Variants in GLP2R observed in about 807,000 individuals in gnomAD.
The protein encoded by GLP2R is glucagon like peptide 2 receptor.
A neutral mutation model predicts 68.2 loss-of-function variants in GLP2R; 59 were observed. The ratio of observed to expected loss-of-function variants is 0.87; its 90% CI spans 0.70 to 1.07. GLP2R has a LOEUF of 1.07. Ranked by LOEUF, GLP2R falls within the 50% of genes least tolerant of loss-of-function variation. The probability of loss-of-function intolerance (pLI) is 0.00; values close to 1 mark genes in which losing one functional copy is unlikely to be tolerated. For synonymous variants in GLP2R, 270 were observed against 265.4 expected, an observed-to-expected ratio of 1.02 and a Z score of -0.17; for missense variants, 548 against 677.4, an observed-to-expected ratio of 0.81 and a Z score of 2.12.
At chr17:9,830,531 A>G (rs910510837) in intron 1 of GLP2R, among the ~76,000 whole-genome samples, 9 of 152,258 alleles carry the variant, frequency 5.9e-5, no homozygotes, top group African/African-American at 2.2e-4. Context: ...CTCATAGGAA[A>G]CTGAAATCAA....
intron 4 of GLP2R, among the ~76,000 whole-genome samples, chr17:9,852,510 G>A (rs1395497595): frequency 6.6e-6 from 1 of 151,874 alleles, no homozygotes; most frequent in African/African-American, 2.4e-5. Flanking sequence ...TCAAGTCAGT[G>A]GCCTAACTGC....
intron 9 of GLP2R, chr17:9,865,973 A>G (rs2067032937): frequency 2.1e-6 from 1 of 467,806 alleles, no homozygotes. Context: ...CTATCAGTTT[A>G]CAAGAAGATA....
intron 10 of GLP2R, 143 bp from the exon 11 acceptor site, chr17:9,880,234 GT>G: frequency 1.6e-6 from 1 of 621,554 alleles, no homozygotes; most frequent in Non-Finnish European, 2.9e-6. Flanking sequence ...GCCCTGAAGC[GT>G]TAAATGTTGT....
At chr17:9,841,603 A>G (rs544409883) in intron 3 of GLP2R, among the ~76,000 whole-genome samples, 1 of 152,262 alleles carries the variant, frequency 6.6e-6, no homozygotes, top group African/African-American at 2.4e-5. Context: ...CCATCCACTG[A>G]GGTGGTAAAA....
chr17:9,841,637 A>G (rs1471840647), intron 3 of GLP2R, among the ~76,000 whole-genome samples: 1 of 152,142 alleles, frequency 6.6e-6, no homozygotes, highest in Non-Finnish European at 1.5e-5. Flanking sequence ...CAGATTTTGA[A>G]AAGAAGAAAA....
intron 5 of GLP2R, among the ~76,000 whole-genome samples, chr17:9,855,439 C>T (rs1054225234): frequency 6.6e-6 from 1 of 152,148 alleles, no homozygotes; most frequent in Non-Finnish European, 1.5e-5. Context: ...GGTGTAAATC[C>T]CTAATCACAC....
At chr17:9,887,356 G>C (rs563769710) in intron 11 of GLP2R, among the ~76,000 whole-genome samples, 1 of 152,090 alleles carries the variant, frequency 6.6e-6, no homozygotes, top group Non-Finnish European at 1.5e-5. Flanking sequence ...GTGAAACCCC[G>C]TCTGTACTAA....
intron 11 of GLP2R, among the ~76,000 whole-genome samples, chr17:9,885,577 T>G (rs1050092675): frequency 2.2e-4 from 34 of 152,020 alleles, no homozygotes; most frequent in African/African-American, 7.5e-4. Flanking sequence ...TTCTCCTCCA[T>G]GTGGCCTCTC....
At chr17:9,842,715 GC>G in intron 4 of GLP2R, 99 bp downstream of exon 4, 1 of 1,290,766 alleles carries the variant, frequency 7.7e-7, no homozygotes, top group Non-Finnish European at 1.1e-6. Flanking sequence ...ACACAAAGAG[GC>G]TTCTCCAGCG....
chr17:9,833,561 C>A (rs1408800600), intron 1 of GLP2R, among the ~76,000 whole-genome samples: 1 of 152,194 alleles, frequency 6.6e-6, no homozygotes, highest in Non-Finnish European at 1.5e-5. Flanking sequence ...GAAATGTCAA[C>A]TTCACTTAAA....
chr17:9,831,258 A>C (rs1297348566), intron 1 of GLP2R, among the ~76,000 whole-genome samples: 1 of 152,246 alleles, frequency 6.6e-6, no homozygotes, highest in Non-Finnish European at 1.5e-5. Flanking sequence ...ATATTAGCCC[A>C]GATCATTTAC....
rs1028260027 is a variant in GLP2R, at chr17:9,857,583, C to T, written c.765+7C>T. 1.9e-6 allele frequency: 3 copies of T among 1,613,898 alleles called. No individual in the cohort carries two copies. The South Asian group carries it at 3.3e-5, about 18-fold the overall frequency. On this transcript the variant is annotated splice_region_variant and intron_variant, in intron 6 of 12. Transcript: ENST00000262441. ...GATGTCCTACCTGTCAGAGGTAATC[C>T]CCTTCCCCACTGTTTACACTGGACT...
At chr17:9,866,977 AT>A (rs1333324827) in intron 9 of GLP2R, 2 of 152,228 alleles carry the variant, frequency 1.3e-5, no homozygotes, top group East Asian at 3.8e-4. Flanking sequence ...GATAAAATAA[AT>A]CTTTATTGTG....
At chr17:9,867,326 C>G (rs1209913947) in intron 9 of GLP2R, among the ~76,000 whole-genome samples, 3 of 152,246 alleles carry the variant, frequency 2.0e-5, no homozygotes, top group African/African-American at 7.2e-5. Flanking sequence ...TGACCAGCAT[C>G]TGGGTTGATG....
chr17:9,885,148 T>TTCATTA (rs1555574761), intron 11 of GLP2R, among the ~76,000 whole-genome samples: 1 of 143,370 alleles, frequency 7.0e-6, no homozygotes, highest in African/African-American at 2.5e-5. Context: ...TAGTAACCAT[T>TTCATTA]TTATTATTAT....
intron 2 of GLP2R, among the ~76,000 whole-genome samples, chr17:9,836,131 CGGA>C (rs1301150665): frequency 1.3e-5 from 2 of 152,034 alleles, no homozygotes; most frequent in Non-Finnish European, 2.9e-5. Flanking sequence ...CGTAATTGAC[CGGA>C]GGTCAAGTTG....
intron 11 of GLP2R, among the ~76,000 whole-genome samples, chr17:9,885,088 G>A (rs1266265704): frequency 1.3e-5 from 2 of 151,712 alleles, no homozygotes; most frequent in African/African-American, 4.8e-5. Flanking sequence ...AGGATGTGTT[G>A]GTCATCTGAT....
Position 9,826,017 on chromosome 17 carries a change from G to C in GLP2R, c.-47G>C, listed in dbSNP as rs2066622764. On this transcript the variant is annotated 5_prime_UTR_variant, in exon 1 of 13. Coordinates refer to ENST00000262441, the MANE Select transcript of GLP2R (RefSeq NM_004246.3). ...GAGGAGGCTGCCTGCGGTGCATCTT[G>C]GACGGCTAGAGAGATGTACCCCTAC... The C allele has an allele frequency of 1.3e-6, 2 of 1,512,864 alleles. No individual in the cohort carries two copies. Among genetic ancestry groups the C allele is most frequent in the South Asian group, 2.4e-5 (2 of 83,742 alleles). The allele number at this position is 1,512,864 out of a possible 1,614,324, so 93.7% of individuals were successfully genotyped here. A position where few individuals can be genotyped will look rare whatever the true frequency, so the allele number is the denominator to read the frequency against.
At chr17:9,859,574 C>T (rs996700776) in intron 6 of GLP2R, among the ~76,000 whole-genome samples, 25 of 151,042 alleles carry the variant, frequency 1.7e-4, no homozygotes, top group African/African-American at 4.4e-4. Context: ...GGGTGGATCA[C>T]GAGGTCAGGA....
Sources: allele counts gnomAD v4.1 joint callset (sites outside exome capture counted in the v4.1 genomes callset), GRCh38; gene constraint gnomAD v4.1.1; transcripts MANE v1.5; gene names NCBI Gene and HGNC (gene_info 2026-07-23, HGNC 2026-07-21).